CR1: variants seen among roughly 807,000 people sequenced by gnomAD.
The protein encoded by CR1 is complement receptor type 1.
Under a neutral mutation model 187.3 loss-of-function variants are expected in CR1, and 116 were observed. The observed-to-expected ratio is 0.62, with a 90% CI of 0.53 to 0.72. The LOEUF (loss-of-function observed/expected upper bound fraction) is 0.72, where lower values mean the gene tolerates loss of function less well. Among genes scored for constraint, CR1 ranks in the 30% least tolerant of loss-of-function variants. The probability of loss-of-function intolerance (pLI) is 0.00; values close to 1 mark genes in which losing one functional copy is unlikely to be tolerated. For missense variants in CR1, 1,731 were observed against 2,110.7 expected, an observed-to-expected ratio of 0.82 and a Z score of 3.52; for synonymous variants, 576 against 747.1, an observed-to-expected ratio of 0.77 and a Z score of 3.73.
At chr1:207,509,550 T>C (rs977964535) in intron 3 of CR1, among the ~76,000 whole-genome samples, 4 of 152,218 alleles carry the variant, frequency 2.6e-5, no homozygotes, top group African/African-American at 9.7e-5. Flanking sequence ...CTTCTATCTG[T>C]TCCCCTTGAT....
At chr1:207,593,536 G>T (rs1571571562) in intron 35 of CR1, among the ~76,000 whole-genome samples, 1 of 152,242 alleles carries the variant, frequency 6.6e-6, no homozygotes, top group East Asian at 1.9e-4. Flanking sequence ...TACCATTCAG[G>T]ACATAGGCAT....
In CR1 at chr1:207,502,946, G is replaced by A. The variant is rs76306710; in HGVS notation, c.122-2958G>A. Among the ~76,000 whole-genome samples the A allele has an allele frequency of 8.1e-3, 1,228 of 152,260 alleles. 71 individuals carry two copies. In the East Asian group the frequency reaches 0.15, roughly 19 times the overall value. On this transcript the variant is annotated intron_variant, in intron 1 of 46. Coordinates refer to ENST00000367049, the MANE Select transcript of CR1 (RefSeq NM_000651.6). ...GAGAGCTGAGGTCACCAGTCACTGA[G>A]GTCATCCAGTGCATTCCCGACAGCA...
chr1:207,585,027 G>A (rs1661071758), intron 33 of CR1, among the ~76,000 whole-genome samples, 151 bp downstream of exon 33: 1 of 152,116 alleles, frequency 6.6e-6, no homozygotes, highest in Admixed American at 6.5e-5. Context: ...TAAAACAGAT[G>A]GGTTTCAGCA....
chr1:207,598,136 G>A (rs916659165), intron 35 of CR1, among the ~76,000 whole-genome samples: 1 of 152,158 alleles, frequency 6.6e-6, no homozygotes, highest in Non-Finnish European at 1.5e-5. Flanking sequence ...TCATTGGGAT[G>A]GTGAAAATTT....
chr1:207,598,309 A>G (rs1293450389), intron 35 of CR1, among the ~76,000 whole-genome samples: 1 of 152,214 alleles, frequency 6.6e-6, no homozygotes, highest in African/African-American at 2.4e-5. Context: ...ATTAGGAAAG[A>G]AAAAAACAGA....
At position 207,609,198 on chromosome 1, in the gene CR1, C is replaced by G. The variant is rs186518225; in HGVS notation, c.5897-92C>G. ...AGTATTGTAATTCCATTTAGAAAAT[C>G]ATTGGATTATTTGCATTTGGTATTT... On this transcript the variant is annotated intron_variant, in intron 36 of 46. Coordinates refer to ENST00000367049, the MANE Select transcript of CR1 (RefSeq NM_000651.6). The G allele has an allele frequency of 2.4e-4, 291 of 1,193,680 alleles. 2 individuals are homozygous for G. In the East Asian group the frequency reaches 7.4e-3, roughly 31 times the overall value. 73.9% of individuals were successfully genotyped at this position (1,193,680 alleles called of 1,614,324 possible). A position where few individuals can be genotyped will look rare whatever the true frequency, so the allele number is the denominator to read the frequency against.
chr1:207,568,298 A>G (rs1660571725), intron 25 of CR1, among the ~76,000 whole-genome samples: 1 of 127,316 alleles, frequency 7.9e-6, no homozygotes, highest in Non-Finnish European at 1.6e-5. Context: ...TGAATTAAAA[A>G]CAGATGCCTG....
rs750420622 is a variant in CR1 at position 207,580,586 on chromosome 1, C to A, written c.5189C>A (p.Ala1730Glu). 3 of 1,613,174 alleles carry A rather than the reference C, an allele frequency of 1.9e-6. No individual in the cohort carries two copies. The highest frequency in any genetic ancestry group is 4.5e-5 in the East Asian group (2 of 44,848). Residue 1730 changes from alanine to glutamate, a missense_variant, in exon 31 of 47, where the codon GCA (alanine) becomes GAA (glutamate). Transcript: ENST00000367049. Reference protein sequence around the residue: ...VLFPLNLQLGAKVSFVCDEGF... With the variant: ...VLFPLNLQLGEKVSFVCDEGF... ...TTTCCACTTAATCTCCAGCTTGGGG[C>A]AAAGGTGTCCTTTGTCTGTGATGAA...
At position 207,586,803 on chromosome 1, in the gene CR1, G is replaced by T. The variant is rs1558249685; in HGVS notation, c.5531-583G>T. ...TAGGGACACCAGTCATTGGATTTAG[G>T]GCCCACTCTAAATAAAAGATGATCT... is the stretch of plus-strand genomic sequence containing the variant. On this transcript the variant is annotated intron_variant, in intron 33 of 46. Transcript: ENST00000367049. Among the ~76,000 whole-genome samples, 12 of 152,096 alleles carry T rather than the reference G, an allele frequency of 7.9e-5. 1 individual carries two copies. The South Asian group carries it at 2.5e-3, about 32-fold the overall frequency.
intron 3 of CR1, among the ~76,000 whole-genome samples, chr1:207,511,302 G>A (rs1290453986): frequency 3.3e-5 from 5 of 152,010 alleles, no homozygotes; most frequent in Non-Finnish European, 7.4e-5. Flanking sequence ...GAAATTTATA[G>A]GAAAAACTAC....
rs773049004 is a variant in CR1 at position 207,619,953 on chromosome 1, T to C, written c.7140T>C (p.Tyr2380=). The C allele has an allele frequency of 1.2e-6, 2 of 1,612,252 alleles. No individual in the cohort carries two copies. Among genetic ancestry groups the C allele is most frequent in the South Asian group, 1.1e-5 (1 of 90,628 alleles). The part of the protein sequence containing the change: ...KELEMKKVYH[Y]GDYVTLKCED... ...TAGAAATGAAAAAAGTATATCACTA[T>C]GGAGATTATGTGACTTTGAAGTGTG... Residue 2380 remains tyrosine, a synonymous_variant, in exon 43 of 47, where the codon TAT becomes TAC. Transcript: ENST00000367049.
rs897650767 is a variant in CR1 at position 207,611,834 on chromosome 1, T to C, written c.6453T>C (p.Pro2151=). The part of the protein sequence containing the change: ...LHCTPQGDWS[P]EAPRCTVKSC... Reference sequence around the variant, plus strand: ...GCACGCCCCAGGGAGACTGGAGCCCTGAAGCCCCTAGATGTACAGGTGCCT... The same window carrying C: ...GCACGCCCCAGGGAGACTGGAGCCCCGAAGCCCCTAGATGTACAGGTGCCT... Residue 2151 remains proline, a synonymous_variant, in exon 38 of 47, where the codon CCT becomes CCC. Transcript: ENST00000367049. The C allele has an allele frequency of 3.1e-6, 5 of 1,613,878 alleles. No individual in the cohort carries two copies. In the African/African-American group the frequency reaches 6.7e-5, roughly 22 times the overall value.
chr1:207,625,851 A>G (rs1285998984), intron 45 of CR1, among the ~76,000 whole-genome samples: 1 of 152,200 alleles, frequency 6.6e-6, no homozygotes, highest in Admixed American at 6.5e-5. Context: ...ACATCTCAGA[A>G]GACCAATCTT....
At chr1:207,598,533 C>T (rs1661513917) in intron 35 of CR1, among the ~76,000 whole-genome samples, 1 of 151,978 alleles carries the variant, frequency 6.6e-6, no homozygotes, top group East Asian at 1.9e-4. Context: ...CATTATCCTG[C>T]CTCAGCCTGC....
In CR1 at chr1:207,523,938, T is replaced by G. The variant is rs528582284; in HGVS notation, c.815T>G (p.Met272Arg). 16 of 1,611,544 alleles carry G rather than the reference T, an allele frequency of 9.9e-6. No individual in the cohort carries two copies. The East Asian group carries it at 2.9e-4, about 29-fold the overall frequency. ...VEFRCQPGFV[M>R]KGPRRVKCQA... is the part of the protein sequence containing the mutation. ...TTTAGGTGTCAGCCTGGCTTTGTCA[T>G]GAAAGGACCCCGCCGTGTGAAGTGC... is the stretch of plus-strand genomic sequence containing the variant. The change falls in exon 5 of 47, where the codon ATG (methionine) becomes AGG (arginine). Residue 272 changes from methionine (M) to arginine (R), a missense_variant. Physicochemically the swap from Met to Arg is moderately conservative, Grantham distance 91 (BLOSUM62 -1). This residue lies in a region of CR1 where 131 missense variants were observed against 196.8 expected (regional missense o/e 0.67). Coordinates refer to ENST00000367049, the MANE Select transcript of CR1 (RefSeq NM_000651.6).
In CR1 at chr1:207,584,784, T is replaced by C. The variant is rs199598381; in HGVS notation, c.5438T>C (p.Ile1813Thr). 85 of 1,613,838 alleles carry C rather than the reference T, an allele frequency of 5.3e-5. No individual in the cohort carries two copies. In the East Asian group the frequency reaches 1.0e-3, roughly 19 times the overall value. Residue 1813 changes from isoleucine to threonine, a missense_variant, in exon 33 of 47, where the codon ATT becomes ACT. Ile to Thr is a moderately conservative substitution (Grantham distance 89). Around this residue, in one of 5 missense-constraint regions of CR1, gnomAD observed 1,312 missense variants for 1,379.6 expected, o/e 0.95. Transcript: ENST00000367049. ...GACAGAGGGATGACCTTCAACCTCA[T>C]TGGGGAGAGCACCATCCGCTGCACA... ...HPDRGMTFNL[I>T]GESTIRCTSD...
chr1:207,573,998 C>T lies in CR1; in HGVS notation c.4452-1597C>T, dbSNP rs576647452. Among the ~76,000 whole-genome samples the T allele has an allele frequency of 4.3e-4, 66 of 152,192 alleles. No homozygotes were observed. In the South Asian group the frequency reaches 5.8e-3, roughly 13 times the overall value. The stretch of plus-strand genomic sequence containing the variant: ...AAGTATAAAAATTAGCTGGGCATGG[C>T]AGCATATGCCTGTAGTCACAGCTAG... On this transcript the variant is annotated intron_variant, in intron 27 of 46. Transcript: ENST00000367049.
Position 207,611,745 on chromosome 1 carries a change from G to A in CR1, c.6364G>A (p.Gly2122Arg). 9 of 1,613,932 alleles carry A rather than the reference G, an allele frequency of 5.6e-6. No homozygotes were observed. Among genetic ancestry groups the A allele is most frequent in the Non-Finnish European group, 7.6e-6 (9 of 1,179,874 alleles). ...AAGCCATCAGGACAACTTTTCACCTGGGCAGGAAGTGTTCTACAGCTGTGA... is the reference window on the plus strand; with the variant it reads ...AAGCCATCAGGACAACTTTTCACCTAGGCAGGAAGTGTTCTACAGCTGTGA... ...TLSHQDNFSP[G>R]QEVFYSCEPS... Residue 2122 changes from glycine to arginine, a missense_variant, in exon 38 of 47, where the codon GGG becomes AGG. By Grantham distance (125) the Gly-to-Arg change is moderately radical (BLOSUM62 -2). This residue lies in a region of CR1 where 1,312 missense variants were observed against 1,379.6 expected (regional missense o/e 0.95). Coordinates refer to ENST00000367049, the MANE Select transcript of CR1 (RefSeq NM_000651.6).
chr1:207,522,688 G>C (rs1181117884), intron 4 of CR1, among the ~76,000 whole-genome samples: 1 of 152,218 alleles, frequency 6.6e-6, no homozygotes, highest in Non-Finnish European at 1.5e-5. Context: ...AGGGTGGATG[G>C]TTGGAGCAAT....
Sources: allele counts gnomAD v4.1 joint callset (sites outside exome capture counted in the v4.1 genomes callset), GRCh38; gene constraint gnomAD v4.1.1; regional missense constraint gnomAD v4.1.1; transcripts MANE v1.5; gene names NCBI Gene and HGNC (gene_info 2026-07-23, HGNC 2026-07-21).